The following LPL variants were observed in gnomAD, a reference collection of about 807,000 sequenced individuals.
LPL encodes the protein lipoprotein lipase.
A neutral mutation model predicts 52.2 loss-of-function variants in LPL; 43 were observed. The ratio of observed to expected loss-of-function variants is 0.82; its 90% CI spans 0.64 to 1.06. The LOEUF is 1.06. Ranked by LOEUF, LPL falls within the 50% of genes least tolerant of loss-of-function variation. LPL has a pLI of 0.00. For missense variants in LPL, 639 were observed against 585.3 expected (o/e 1.09, Z -0.95); for synonymous variants, 244 against 215.6 (o/e 1.13, Z -1.15).
At chr8:19,954,005 G>T in intron 4 of LPL, 115 bp from the exon 5 acceptor site, 1 of 772,618 alleles carries the variant, frequency 1.3e-6, no homozygotes, top group South Asian at 1.4e-5. Flanking sequence ...CTGTAGAATA[G>T]GAGCTAATAA....
chr8:19,964,702 T>C (rs2070070322), intron 9 of LPL, among the ~76,000 whole-genome samples: 1 of 152,114 alleles, frequency 6.6e-6, no homozygotes, highest in South Asian at 2.1e-4. Flanking sequence ...CTAATTTTTC[T>C]GTTTTTAGTA....
chr8:19,953,563 A>G (rs951709285), intron 4 of LPL, 142 bp downstream of exon 4: 10 of 683,388 alleles, frequency 1.5e-5, no homozygotes, highest in Non-Finnish European at 2.7e-5. Context: ...ATCTCATTGT[A>G]GGGCTCTTTA....
In LPL at chr8:19,955,131, A is replaced by T. The variant is rs262; in HGVS notation, c.776-710A>T. Among the ~76,000 whole-genome samples, 888 of 152,354 alleles carry T rather than the reference A, an allele frequency of 5.8e-3. 9 individuals are homozygous for T. The highest frequency in any genetic ancestry group is 0.02 in the African/African-American group (828 of 41,590). Reference sequence around the variant, plus strand: ...GTTACTATTTTCGATTGTCCTAAAAACTTACAAGGAATTCATTCTTATGGC... The same window carrying T: ...GTTACTATTTTCGATTGTCCTAAAATCTTACAAGGAATTCATTCTTATGGC... On this transcript the variant is annotated intron_variant, in intron 5 of 9. Coordinates refer to ENST00000650287, the MANE Select transcript of LPL (RefSeq NM_000237.3).
chr8:19,960,115 A>G (rs1178231686), intron 7 of LPL, among the ~76,000 whole-genome samples: 2 of 140,508 alleles, frequency 1.4e-5, no homozygotes, highest in African/African-American at 4.9e-5. Flanking sequence ...TCAAAGAAAT[A>G]AAAGTAAGGC....
intron 1 of LPL, among the ~76,000 whole-genome samples, chr8:19,945,693 C>G (rs1206920759): frequency 6.6e-6 from 1 of 152,142 alleles, no homozygotes; most frequent in African/African-American, 2.4e-5. Context: ...GTGGTCATTT[C>G]AAAACCACCA....
chr8:19,964,045 TG>T lies in LPL; in HGVS notation c.*-1262del, dbSNP rs1277077613. Among the ~76,000 whole-genome samples the T allele has an allele frequency of 7.2e-5, 11 of 151,954 alleles. No homozygotes were observed. In the East Asian group the frequency reaches 2.1e-3, roughly 29 times the overall value. ...TCAGCTCACTGCAACCTCCACCTCC[TG>T]GGTTCAAGCAATTCTCCTGCCTCAG... On this transcript the variant is annotated intron_variant, in intron 9 of 9. Coordinates refer to ENST00000650287, the MANE Select transcript of LPL (RefSeq NM_000237.3).
intron 1 of LPL, among the ~76,000 whole-genome samples, chr8:19,947,274 G>A (rs1022232964): frequency 6.6e-6 from 1 of 152,132 alleles, no homozygotes; most frequent in African/African-American, 2.4e-5. Flanking sequence ...GGAGGCTGAG[G>A]TGGGCAAATC....
At chr8:19,956,660 A>G (rs1319214192) in intron 6 of LPL, among the ~76,000 whole-genome samples, 4 of 152,084 alleles carry the variant, frequency 2.6e-5, no homozygotes, top group Non-Finnish European at 4.4e-5. Flanking sequence ...GTGCTCATGC[A>G]AAGTTTTATT....
rs2070031447 is a variant in LPL, at chr8:19,960,822, T to C, written c.1140-79T>C. The C allele has an allele frequency of 6.0e-6, 6 of 998,940 alleles. No individual in the cohort carries two copies. In the South Asian group the frequency reaches 7.9e-5, roughly 13 times the overall value. 61.9% of individuals were successfully genotyped at this position (998,940 alleles called of 1,614,324 possible). A position where few individuals can be genotyped will look rare whatever the true frequency, so the allele number is the denominator to read the frequency against. On this transcript the variant is annotated intron_variant, in intron 7 of 9. Transcript: ENST00000650287. ...CCCCTAAATAATAAAGCTATTTATA[T>C]TTGGAGAGGAGAAAAAAAAGTGGGG...
chr8:19,963,151 T>C (rs1414606790), intron 9 of LPL, among the ~76,000 whole-genome samples: 1 of 152,240 alleles, frequency 6.6e-6, no homozygotes, highest in African/African-American at 2.4e-5. Context: ...GGGACAAATG[T>C]ATAGAATAAG....
In LPL at chr8:19,951,839, A is replaced by G. The variant is rs1274719866; in HGVS notation, c.320A>G (p.Asn107Ser). The G allele has an allele frequency of 2.5e-6, 4 of 1,614,110 alleles. No homozygotes were observed. The highest frequency in any genetic ancestry group is 2.2e-5 in the South Asian group (2 of 91,084). Residue 107 changes from asparagine (N) to serine (S), a missense_variant, in exon 3 of 10, where the codon AAT becomes AGT. Asn to Ser is a conservative substitution (Grantham distance 46). Transcript: ENST00000650287. ...CTGTACAAGAGAGAACCAGACTCCA[A>G]TGTCATTGTGGTGGACTGGCTGTCA... is the stretch of plus-strand genomic sequence containing the variant. ...AALYKREPDS[N>S]VIVVDWLSRA...
At chr8:19,945,146 T>G (rs191320328) in intron 1 of LPL, among the ~76,000 whole-genome samples, 257 of 152,316 alleles carry the variant, frequency 1.7e-3, no homozygotes, top group African/African-American at 5.9e-3. Flanking sequence ...GTTTCCTTAG[T>G]AACAATTGCA....
At chr8:19,965,095 G>C (rs2070073920) in intron 9 of LPL, among the ~76,000 whole-genome samples, 1 of 150,968 alleles carries the variant, frequency 6.6e-6, no homozygotes, top group Non-Finnish European at 1.5e-5. Context: ...CACCTTATTG[G>C]GACGGGGCTA....
chr8:19,964,241 C>A (rs2070066400), intron 9 of LPL, among the ~76,000 whole-genome samples: 1 of 152,056 alleles, frequency 6.6e-6, no homozygotes, highest in African/African-American at 2.4e-5. Context: ...TGTGAGTCAC[C>A]ACACCCGGCC....
At chr8:19,961,371 C>T (rs2070037847) in intron 8 of LPL, among the ~76,000 whole-genome samples, 1 of 151,972 alleles carries the variant, frequency 6.6e-6, no homozygotes, top group Non-Finnish European at 1.5e-5. Flanking sequence ...ATCTCAGCTT[C>T]TCATTTGGCA....
At chr8:19,943,529 T>G (rs2069858200) in intron 1 of LPL, among the ~76,000 whole-genome samples, 1 of 152,218 alleles carries the variant, frequency 6.6e-6, no homozygotes, top group Non-Finnish European at 1.5e-5. Flanking sequence ...TTGTGTTAGT[T>G]TGAGACAACT....
In LPL at chr8:19,948,228, CT is replaced by C. The variant is rs2128837004; in HGVS notation, c.138del (p.Glu47LysfsTer14). Reference protein sequence around the residue: ...DIESKFALRTPEDTAEDTCHL... With the variant: ...DIESKFALRTXEDTAEDTCHL... ...GAAAGTAAATTTGCCCTAAGGACCC[CT>C]GAAGACACAGCTGAGGACACTTGCC... is the stretch of plus-strand genomic sequence containing the variant. On this transcript the variant is annotated frameshift_variant, in exon 2 of 10. Coordinates refer to ENST00000650287, the MANE Select transcript of LPL (RefSeq NM_000237.3). LOFTEE classifies it high-confidence loss of function. 10 of 1,614,134 alleles carry C rather than the reference CT, an allele frequency of 6.2e-6. No homozygotes were observed. The highest frequency in any genetic ancestry group is 8.5e-6 in the Non-Finnish European group (10 of 1,180,008).
chr8:19,953,574 T>C (rs1023624994), intron 4 of LPL, among the ~76,000 whole-genome samples, 153 bp downstream of exon 4: 12 of 152,168 alleles, frequency 7.9e-5, no homozygotes, highest in African/African-American at 2.9e-4. Flanking sequence ...GGGCTCTTTA[T>C]TAGGGATAAG....
chr8:19,951,652 T>C, intron 2 of LPL, 117 bp from the exon 3 acceptor site: 3 of 1,078,202 alleles, frequency 2.8e-6, no homozygotes, highest in Non-Finnish European at 4.3e-6. Flanking sequence ...TTTCTATCTG[T>C]GCCAATGGGT....
Sources: allele counts gnomAD v4.1 joint callset (sites outside exome capture counted in the v4.1 genomes callset), GRCh38; gene constraint gnomAD v4.1.1; transcripts MANE v1.5; gene names NCBI Gene and HGNC (gene_info 2026-07-23, HGNC 2026-07-21).